Variants in ZFHX3 observed in about 807,000 individuals in gnomAD.
ZFHX3 encodes the protein zinc finger homeobox protein 3.
ZFHX3 carries 42 observed loss-of-function variants against 279.1 expected under a neutral mutation model. That is an observed-to-expected ratio of 0.15 (90% CI 0.12 to 0.19). The LOEUF is 0.19. Ranked by LOEUF, ZFHX3 falls within the 10% of genes least tolerant of loss-of-function variation. ZFHX3 has a pLI of 1.00. For synonymous variants in ZFHX3, 2,293 were observed against 1,957.8 expected (o/e 1.17, Z -4.52); for missense variants, 4,981 against 4,754.0 (o/e 1.05, Z -1.40).
rs376361563 is a variant in ZFHX3 at position 73,185,471 on chromosome 16, A to G, written c.-1103-41640T>C. ...GAGCCCACACTCTTAACTACTATAG[A>G]TCAAGCTTAATATATACAGTGTTTG... On this transcript the variant is annotated intron_variant, in intron 5 of 17. Coordinates refer to the ZFHX3 transcript ENST00000641206. 2.8e-3 allele frequency among the ~76,000 whole-genome samples: 428 copies of G among 152,318 alleles called. 1 individual carries two copies. The highest frequency in any genetic ancestry group is 9.8e-3 in the African/African-American group (407 of 41,566).
Position 72,979,929 on chromosome 16 carries a change from G to GA in ZFHX3, c.-49-19736dup, listed in dbSNP as rs199700850. Among the ~76,000 whole-genome samples the GA allele has an allele frequency of 9.3e-3, 1,413 of 151,522 alleles. 14 individuals carry two copies. Among genetic ancestry groups the GA allele is most frequent in the Non-Finnish European group, 0.015 (1,037 of 67,856 alleles). ...GGTACACTATTTACAATGTCCAAGAGAAAAAAAAATCAATTGGTCAGGATT... is the reference window on the plus strand; with the variant it reads ...GGTACACTATTTACAATGTCCAAGAGAAAAAAAAAATCAATTGGTCAGGATT... On this transcript the variant is annotated intron_variant, in intron 1 of 9. Coordinates refer to ENST00000268489, the MANE Select transcript of ZFHX3 (RefSeq NM_006885.4).
intron 1 of ZFHX3, among the ~76,000 whole-genome samples, chr16:72,995,994 G>A (rs967217400): frequency 2.0e-5 from 3 of 152,140 alleles, no homozygotes; most frequent in Non-Finnish European, 2.9e-5. Flanking sequence ...ACTGCCAGGT[G>A]CGGTGGCTCA....
At chr16:72,919,593 G>A (rs1161270800) in intron 3 of ZFHX3, among the ~76,000 whole-genome samples, 1 of 151,770 alleles carries the variant, frequency 6.6e-6, no homozygotes, top group East Asian at 1.9e-4. Flanking sequence ...AGAAAGAAAT[G>A]TATAAATCAT....
At chr16:72,980,284 A>C (rs1434268941) in intron 1 of ZFHX3, among the ~76,000 whole-genome samples, 1 of 152,218 alleles carries the variant, frequency 6.6e-6, no homozygotes, top group Non-Finnish European at 1.5e-5. Context: ...GTAGGGGCTC[A>C]CATGGACGTT....
At chr16:73,146,726 C>T (rs992547702) in intron 5 of ZFHX3, among the ~76,000 whole-genome samples, 2 of 151,988 alleles carry the variant, frequency 1.3e-5, no homozygotes, top group Non-Finnish European at 2.9e-5. Context: ...TGCAGTGCCA[C>T]AATCCTGCAA....
Position 73,779,103 on chromosome 16 carries a change from C to CA in ZFHX3, c.-1607-98864dup, listed in dbSNP as rs755467158. Among the ~76,000 whole-genome samples, 13 of 152,258 alleles carry CA rather than the reference C, an allele frequency of 8.5e-5. No individual in the cohort carries two copies. In the East Asian group the frequency reaches 1.2e-3, roughly 14 times the overall value. The stretch of plus-strand genomic sequence containing the variant: ...CACCAGATGGCTCCAGAGTGGCACA[C>CA]AGAACCCGTGTCTTGCATTTGGAAC... On this transcript the variant is annotated intron_variant, in intron 1 of 17. Coordinates refer to the ZFHX3 transcript ENST00000641206.
At chr16:72,915,957 A>T (rs1054418356) in intron 3 of ZFHX3, among the ~76,000 whole-genome samples, 2 of 152,254 alleles carry the variant, frequency 1.3e-5, no homozygotes, top group Non-Finnish European at 2.9e-5. Context: ...TTTTCCATGC[A>T]TTTCAACGTT....
chr16:73,094,776 C>A (rs1208767157), intron 7 of ZFHX3, among the ~76,000 whole-genome samples: 1 of 152,174 alleles, frequency 6.6e-6, no homozygotes, highest in Non-Finnish European at 1.5e-5. Context: ...GAGGTACGAA[C>A]TTGACTCACT....
chr16:73,538,166 T>A (rs1313434852), intron 2 of ZFHX3, among the ~76,000 whole-genome samples: 1 of 152,144 alleles, frequency 6.6e-6, no homozygotes, highest in African/African-American at 2.4e-5. Flanking sequence ...CATGTACATA[T>A]CACGTCAATG....
intron 1 of ZFHX3, among the ~76,000 whole-genome samples, chr16:73,719,629 A>G (rs1353903048): frequency 6.6e-6 from 1 of 152,050 alleles, no homozygotes; most frequent in Non-Finnish European, 1.5e-5. Flanking sequence ...GCATTATTTC[A>G]TTTATTTATT....
chr16:72,787,995 G>C lies in ZFHX3; in HGVS notation c.10281C>G (p.Thr3427=), dbSNP rs764449873. 5 of 1,613,400 alleles carry C rather than the reference G, an allele frequency of 3.1e-6. No individual in the cohort carries two copies. The highest frequency in any genetic ancestry group is 4.2e-6 in the Non-Finnish European group (5 of 1,179,894). Reference sequence around the variant, plus strand: ...GCAGGAGGGGGGACACCTCACGGGGGGTGTTTTTCTGTTCTTCTGGTTTGG... The same window carrying C: ...GCAGGAGGGGGGACACCTCACGGGGCGTGTTTTTCTGTTCTTCTGGTTTGG... ...ESPKPEEQKN[T]PREVSPLLPK... Residue 3427 remains threonine (T), a synonymous_variant, in exon 10 of 10, where the codon ACC becomes ACG. Coordinates refer to ENST00000268489, the MANE Select transcript of ZFHX3 (RefSeq NM_006885.4).
chr16:73,009,872 T>G (rs1963850278), intron 1 of ZFHX3, among the ~76,000 whole-genome samples: 1 of 151,586 alleles, frequency 6.6e-6, no homozygotes, highest in Non-Finnish European at 1.5e-5. Context: ...AATAAAAAAA[T>G]TAGCAGGGTG....
chr16:73,728,447 A>C (rs1000593792), intron 1 of ZFHX3, among the ~76,000 whole-genome samples: 2 of 152,224 alleles, frequency 1.3e-5, no homozygotes, highest in East Asian at 3.9e-4. Context: ...GATAGCCCAG[A>C]TAGAGAATAG....
At chr16:73,891,216 A>C (rs1777387902) in intron 1 of ZFHX3, among the ~76,000 whole-genome samples, 2 of 152,024 alleles carry the variant, frequency 1.3e-5, no homozygotes, top group South Asian at 4.2e-4. Flanking sequence ...GCCCCACAGC[A>C]TTCCCTCCAA....
chr16:73,669,679 C>T (rs975224756), intron 2 of ZFHX3, among the ~76,000 whole-genome samples: 2 of 152,188 alleles, frequency 1.3e-5, no homozygotes, highest in African/African-American at 4.8e-5. Flanking sequence ...GAGGCTTTGC[C>T]TGCTTTTTCT....
At chr16:73,253,606 C>G (rs997009091) in intron 5 of ZFHX3, among the ~76,000 whole-genome samples, 2 of 116,452 alleles carry the variant, frequency 1.7e-5, no homozygotes, top group Admixed American at 1.8e-4. Context: ...CGCCTGCCAC[C>G]ACGCCCGGCT....
intron 2 of ZFHX3, among the ~76,000 whole-genome samples, chr16:73,677,147 C>A (rs764686842): frequency 2.0e-5 from 3 of 151,816 alleles, no homozygotes; most frequent in Non-Finnish European, 4.4e-5. Context: ...TACATACTAT[C>A]CCCAAAATAT....
intron 5 of ZFHX3, among the ~76,000 whole-genome samples, chr16:73,210,863 A>G (rs1172130617): frequency 6.6e-6 from 1 of 152,026 alleles, no homozygotes; most frequent in Admixed American, 6.5e-5. Context: ...TTCAAATGTC[A>G]TTTTGGTTTC....
At chr16:73,888,034 G>A (rs781499119) in intron 1 of ZFHX3, among the ~76,000 whole-genome samples, 4 of 152,126 alleles carry the variant, frequency 2.6e-5, no homozygotes, top group African/African-American at 4.8e-5. Context: ...CTCCCAGGAA[G>A]TGGATGCAAC....
Sources: gnomAD v4.1 joint callset for allele counts (sites outside exome capture counted in the v4.1 genomes callset) on GRCh38, gnomAD v4.1.1 for gene constraint, MANE v1.5 for transcripts, NCBI Gene and HGNC (gene_info 2026-07-23, HGNC 2026-07-21) for gene names.